Variants in PTPRT observed in about 807,000 individuals in gnomAD.
PTPRT encodes receptor-type tyrosine-protein phosphatase T.
Under a neutral mutation model 176.8 loss-of-function variants are expected in PTPRT, and 56 were observed. That is an observed-to-expected ratio of 0.32 (90% CI 0.26 to 0.40). PTPRT has a LOEUF of 0.40. Among genes scored for constraint, PTPRT ranks in the 10% least tolerant of loss-of-function variants. The pLI is 1.00. For missense variants in PTPRT, 1,540 were observed against 1,908.2 expected (o/e 0.81, Z 3.60); for synonymous variants, 783 against 739.0 (o/e 1.06, Z -0.96).
intron 3 of PTPRT, among the ~76,000 whole-genome samples, chr20:42,788,264 C>G (rs2077321080): frequency 6.6e-6 from 1 of 152,006 alleles, no homozygotes; most frequent in Non-Finnish European, 1.5e-5. Flanking sequence ...CCACTCACCT[C>G]TGCGTTACCA....
At chr20:43,164,228 C>G (rs886277008) in intron 1 of PTPRT, among the ~76,000 whole-genome samples, 2 of 152,154 alleles carry the variant, frequency 1.3e-5, no homozygotes, top group African/African-American at 4.8e-5. Flanking sequence ...GATGTGCTGG[C>G]ACAGATATAG....
At chr20:42,781,038 A>C (rs923345975) in intron 3 of PTPRT, among the ~76,000 whole-genome samples, 2 of 152,106 alleles carry the variant, frequency 1.3e-5, no homozygotes, top group Admixed American at 1.3e-4. Context: ...CACCTTCTGG[A>C]AATTGGAAAT....
chr20:42,295,445 T>C (rs1396850886), intron 12 of PTPRT, among the ~76,000 whole-genome samples: 1 of 152,164 alleles, frequency 6.6e-6, no homozygotes, highest in Admixed American at 6.5e-5. Context: ...TTGTCTTTCT[T>C]GAAGGATCTA....
chr20:42,123,904 T>C (rs1010774706), intron 19 of PTPRT, among the ~76,000 whole-genome samples: 6 of 152,356 alleles, frequency 3.9e-5, no homozygotes, highest in Non-Finnish European at 5.9e-5. Flanking sequence ...TTTCTTCATT[T>C]ACATGCTCCC....
the PTPRT span, among the ~76,000 whole-genome samples, chr20:42,067,036 ACTC>A: frequency 6.6e-6 from 1 of 151,690 alleles, no homozygotes; most frequent in Non-Finnish European, 1.5e-5. Context: ...CTGCTTTTGA[ACTC>A]CTGCATCTTT....
intron 5 of PTPRT, among the ~76,000 whole-genome samples, chr20:42,762,613 A>G (rs1045828453): frequency 4.6e-5 from 7 of 152,250 alleles, no homozygotes; most frequent in African/African-American, 1.2e-4. Context: ...GACTACAGCC[A>G]TGAGTCCTTA....
intron 9 of PTPRT, among the ~76,000 whole-genome samples, chr20:42,359,585 C>T (rs2058404118): frequency 6.6e-6 from 1 of 152,214 alleles, no homozygotes; most frequent in African/African-American, 2.4e-5. Flanking sequence ...TCTTGCAGAG[C>T]CAGGGCTGAA....
chr20:43,095,613 C>G (rs890239535), intron 1 of PTPRT, among the ~76,000 whole-genome samples: 3 of 151,518 alleles, frequency 2.0e-5, no homozygotes, highest in Non-Finnish European at 2.9e-5. Flanking sequence ...TCTCTCATCT[C>G]TCTCTCCCCC....
chr20:43,176,577 T>C (rs1398694171), intron 1 of PTPRT, among the ~76,000 whole-genome samples: 1 of 152,216 alleles, frequency 6.6e-6, no homozygotes, highest in Non-Finnish European at 1.5e-5. Context: ...TCCACCATCC[T>C]AGTTCCATTT....
At chr20:42,455,674 GA>G (rs1480896509) in intron 8 of PTPRT, among the ~76,000 whole-genome samples, 1 of 152,080 alleles carries the variant, frequency 6.6e-6, no homozygotes, top group African/African-American at 2.4e-5. Flanking sequence ...TCATCCTAGG[GA>G]GATTGAAAAA....
chr20:42,370,137 T>G (rs2058568384), intron 9 of PTPRT, among the ~76,000 whole-genome samples: 1 of 152,182 alleles, frequency 6.6e-6, no homozygotes. Flanking sequence ...CATATGGGTA[T>G]CTGGTGCTCC....
chr20:42,999,232 T>C (rs1274929642), intron 1 of PTPRT, among the ~76,000 whole-genome samples: 1 of 152,130 alleles, frequency 6.6e-6, no homozygotes, highest in African/African-American at 2.4e-5. Context: ...GCACATATAG[T>C]AATAGACACA....
At chr20:42,435,829 C>G (rs1393794290) in intron 9 of PTPRT, among the ~76,000 whole-genome samples, 1 of 152,044 alleles carries the variant, frequency 6.6e-6, no homozygotes, top group Non-Finnish European at 1.5e-5. Context: ...TATTGCTGAA[C>G]AAGTATGAGG....
At chr20:43,125,986 A>T (rs1450958152) in intron 1 of PTPRT, among the ~76,000 whole-genome samples, 2 of 152,254 alleles carry the variant, frequency 1.3e-5, no homozygotes, top group Non-Finnish European at 2.9e-5. Flanking sequence ...ATTTGGGAGA[A>T]GGTTTGTCAA....
chr20:42,391,040 G>A (rs1453838031), intron 9 of PTPRT, among the ~76,000 whole-genome samples: 2 of 152,054 alleles, frequency 1.3e-5, no homozygotes, highest in Non-Finnish European at 2.9e-5. Context: ...TACTTTTAAG[G>A]GCCACAATTA....
chr20:42,299,094 G>A (rs940598409), intron 12 of PTPRT, among the ~76,000 whole-genome samples: 9 of 151,638 alleles, frequency 5.9e-5, no homozygotes, highest in Admixed American at 3.9e-4. Flanking sequence ...AAAAAAAACC[G>A]CCAAGAAATT....
chr20:42,385,440 C>G (rs2058735656), intron 9 of PTPRT, among the ~76,000 whole-genome samples: 2 of 152,118 alleles, frequency 1.3e-5, no homozygotes, highest in South Asian at 4.1e-4. Context: ...ATGGTGGTTG[C>G]TAGGTGCTGG....
intron 6 of PTPRT, among the ~76,000 whole-genome samples, chr20:42,714,553 A>C (rs949601158): frequency 1.3e-5 from 2 of 152,354 alleles, no homozygotes; most frequent in East Asian, 3.9e-4. Context: ...ACACGTCCAC[A>C]TCTGGCCACA....
chr20:42,995,217 A>G (rs930918051), intron 1 of PTPRT, among the ~76,000 whole-genome samples: 2 of 152,244 alleles, frequency 1.3e-5, no homozygotes, highest in East Asian at 3.8e-4. Flanking sequence ...AGTTTCTACT[A>G]TTCAGAAGTT....
Sources: allele counts gnomAD v4.1 joint callset (sites outside exome capture counted in the v4.1 genomes callset), GRCh38; gene constraint gnomAD v4.1.1; transcripts MANE v1.5; gene names NCBI Gene and HGNC (gene_info 2026-07-23, HGNC 2026-07-21).